Variants in ABI3 observed in about 807,000 individuals in gnomAD.
ABI3 encodes the protein ABI family member 3.
ABI3 carries 24 observed loss-of-function variants against 37.0 expected under a neutral mutation model. The ratio of observed to expected loss-of-function variants is 0.65; its 90% CI spans 0.47 to 0.91. The LOEUF (loss-of-function observed/expected upper bound fraction) is 0.91. ABI3 is among the 40% of genes least tolerant of loss of function. The pLI, the probability that ABI3 is intolerant of heterozygous loss-of-function variation, is 0.00. For missense variants in ABI3, 481 were observed against 485.1 expected (o/e 0.99, Z 0.08); for synonymous variants, 220 against 211.8 (o/e 1.04, Z -0.34).
At chr17:49,218,770 A>ATTTTTTTTTTTTTTTTTT (rs71144583) in intron 3 of ABI3, among the ~76,000 whole-genome samples, 2 of 131,786 alleles carry the variant, frequency 1.5e-5, no homozygotes, top group Non-Finnish European at 1.6e-5. Flanking sequence ...TGCCCGGCTA[A>ATTTTTTTTTTTTTTTTTT]TTTTTTTTTT....
intron 1 of ABI3, among the ~76,000 whole-genome samples, chr17:49,213,543 G>A (rs1200207838): frequency 6.6e-6 from 1 of 152,160 alleles, no homozygotes; most frequent in East Asian, 1.9e-4. Flanking sequence ...AGGCAGACCA[G>A]GGTCACCTGC....
intron 6 of ABI3, 32 bp downstream of exon 6, chr17:49,220,358 TGG>T (rs368970613): frequency 1.3e-6 from 2 of 1,537,382 alleles, no homozygotes; most frequent in African/African-American, 2.7e-5. Flanking sequence ...TTCCCAACCG[TGG>T]GGTCGCTTTT....
rs139539456 is a variant in ABI3, at chr17:49,220,236, C to T, written c.712C>T (p.Pro238Ser). ...GGCAGCACCTCCAGCCCCACCTCTC[C>T]CCAGCTCCTTGGACCCACCTCCTCC... ...GQAAPPAPPL[P>S]SSLDPPPPPA... is the part of the protein sequence containing the mutation. The change falls in exon 6 of 8, where the codon CCC becomes TCC. Residue 238 changes from proline to serine, a missense_variant. Coordinates refer to ENST00000225941, the MANE Select transcript of ABI3 (RefSeq NM_016428.3). The T allele has an allele frequency of 2.0e-4, 330 of 1,611,554 alleles. 5 individuals are homozygous for T. The highest frequency in any genetic ancestry group is 6.2e-4 in the Admixed American group (37 of 59,852).
Position 49,219,927 on chromosome 17 carries a change from C to G in ABI3, c.618C>G (p.Ser206=). 1.3e-6 allele frequency: 2 copies of G among 1,555,620 alleles called. No homozygotes were observed. The highest frequency in any genetic ancestry group is 1.7e-6 in the Non-Finnish European group (2 of 1,156,054). The part of the protein sequence containing the change: ...VVPDGRLSAA[S]SAFSLASAGS... ...CCGACGGCAGACTCTCCGCCGCCTCCTCTGCGTTTTCCCTGGCCTCGGCCG... is the reference window on the plus strand; with the variant it reads ...CCGACGGCAGACTCTCCGCCGCCTCGTCTGCGTTTTCCCTGGCCTCGGCCG... Residue 206 remains serine, a synonymous_variant, in exon 5 of 8, where the codon TCC becomes TCG. Coordinates refer to ENST00000225941, the MANE Select transcript of ABI3 (RefSeq NM_016428.3). This position sits in a 1 kb window ranked among gnomAD's most constrained non-coding sequence, Gnocchi z 4.3.
At chr17:49,220,801 G>A (rs1260556782) in intron 6 of ABI3, among the ~76,000 whole-genome samples, 2 of 146,792 alleles carry the variant, frequency 1.4e-5, no homozygotes, top group African/African-American at 2.5e-5. Flanking sequence ...CCGAGATCGC[G>A]CCATTGCACT....
intron 1 of ABI3, among the ~76,000 whole-genome samples, chr17:49,215,169 A>T (rs544440203): frequency 6.6e-6 from 1 of 152,188 alleles, no homozygotes; most frequent in African/African-American, 2.4e-5. Flanking sequence ...GAAAATAAGT[A>T]CAGCACATGC....
chr17:49,222,859 G>A lies in ABI3; in HGVS notation c.*144G>A. On this transcript the variant is annotated 3_prime_UTR_variant, in exon 8 of 8. Coordinates refer to ENST00000225941, the MANE Select transcript of ABI3 (RefSeq NM_016428.3). ...TGTTCTGTCCTTCCTCCCATCGGAG[G>A]GAGAAGGGGTCCTGGGGAGAGAGAA... The A allele has an allele frequency of 2.1e-6, 2 of 933,574 alleles. No individual in the cohort carries two copies. Among genetic ancestry groups the A allele is most frequent in the Non-Finnish European group, 3.1e-6 (2 of 641,394 alleles). The allele number at this position is 933,574 out of a possible 1,614,324, so 57.8% of individuals were successfully genotyped here. A position where few individuals can be genotyped will look rare whatever the true frequency, so the allele number is the denominator to read the frequency against.
rs2043260098 is a variant in ABI3 at position 49,219,720 on chromosome 17, C to CG, written c.548+98dup. On this transcript the variant is annotated intron_variant, in intron 4 of 7. Transcript: ENST00000225941. The surrounding 1 kb of genome is among the most constrained non-coding windows in gnomAD (Gnocchi z 4.3). The stretch of plus-strand genomic sequence containing the variant: ...CCTCGCCACCCACCCCTGGCGCCCC[C>CG]GGGTGCTCAGGCCGTCATGCTGGAT... The CG allele has an allele frequency of 6.3e-6, 9 of 1,426,298 alleles. No homozygotes were observed. The highest frequency in any genetic ancestry group is 8.6e-6 in the Non-Finnish European group (9 of 1,042,618). The allele number at this position is 1,426,298 out of a possible 1,614,324, so 88.4% of individuals were successfully genotyped here.
chr17:49,216,551 G>T lies in ABI3; in HGVS notation c.138G>T (p.Ala46=). Residue 46 remains alanine, a synonymous_variant, in exon 2 of 8, where the codon GCG becomes GCT. Transcript: ENST00000225941. Reference sequence around the variant, plus strand: ...TTCAGGCCACAGACAAGCGGAAGGCGCTGGAGGAGACCATGGCCTTCACTA... The same window carrying T: ...TTCAGGCCACAGACAAGCGGAAGGCTCTGGAGGAGACCATGGCCTTCACTA... The part of the protein sequence containing the change: ...NYVQATDKRK[A]LEETMAFTTQ... 1 of 1,601,972 alleles carries T rather than the reference G, an allele frequency of 6.2e-7. No individual in the cohort carries two copies. The highest frequency in any genetic ancestry group is 2.2e-5 in the East Asian group (1 of 44,478).
Position 49,221,530 on chromosome 17 carries a change from C to T in ABI3, c.803-561C>T, listed in dbSNP as rs186307942. 1.1e-4 allele frequency among the ~76,000 whole-genome samples: 16 copies of T among 152,238 alleles called. No homozygotes were observed. The East Asian group carries it at 2.9e-3, about 28-fold the overall frequency. The stretch of plus-strand genomic sequence containing the variant: ...GAGGGTCTTTACCACTCTCCGTTAA[C>T]AGATGAAGCCACTGACGCTGAGGTT... On this transcript the variant is annotated intron_variant, in intron 6 of 7. Coordinates refer to ENST00000225941, the MANE Select transcript of ABI3 (RefSeq NM_016428.3).
chr17:49,220,092 G>A (rs2043266178), intron 5 of ABI3, 77 bp from the exon 6 acceptor site: 10 of 1,599,840 alleles, frequency 6.3e-6, no homozygotes, highest in South Asian at 5.6e-5. Flanking sequence ...GCTGGGGTCA[G>A]GATTGGAGGG....
Position 49,219,815 on chromosome 17 carries a change from C to A in ABI3, c.549-43C>A. On this transcript the variant is annotated intron_variant, in intron 4 of 7. Coordinates refer to ENST00000225941, the MANE Select transcript of ABI3 (RefSeq NM_016428.3). This position sits in a 1 kb window ranked among gnomAD's most constrained non-coding sequence, Gnocchi z 4.3. Reference sequence around the variant, plus strand: ...GCACCCGACCCCTGCTGGCCAGAAGCCTTCCTCCTTCCTCCTAATACCCAC... The same window carrying A: ...GCACCCGACCCCTGCTGGCCAGAAGACTTCCTCCTTCCTCCTAATACCCAC... 1 of 1,525,214 alleles carries A rather than the reference C, an allele frequency of 6.6e-7. No individual in the cohort carries two copies. The highest frequency in any genetic ancestry group is 8.8e-7 in the Non-Finnish European group (1 of 1,135,080). The allele number at this position is 1,525,214 out of a possible 1,614,324, so 94.5% of individuals were successfully genotyped here. A position where few individuals can be genotyped will look rare whatever the true frequency, so the allele number is the denominator to read the frequency against.
intron 6 of ABI3, 95 bp from the exon 7 acceptor site, chr17:49,221,996 T>C (rs2043295012): frequency 4.9e-6 from 7 of 1,425,586 alleles, no homozygotes; most frequent in African/African-American, 1.5e-5. Flanking sequence ...CTCGCTGAGA[T>C]GGGTGGATTC....
At chr17:49,217,643 C>A (rs895788034) in intron 2 of ABI3, 96 bp from the exon 3 acceptor site, 68 of 920,360 alleles carry the variant, frequency 7.4e-5, no homozygotes, top group Admixed American at 1.4e-4. Context: ...CTGGCTGCCT[C>A]CCCCCCCCAG....
Position 49,210,709 on chromosome 17 carries a change from A to G in ABI3, c.-16A>G, listed in dbSNP as rs536035842. ...ACGAGCGGGCTCCCTGGGGAGCCAG[A>G]CAGAGGCTGGGGGTGATGGCGGAGC... On this transcript the variant is annotated 5_prime_UTR_variant, in exon 1 of 8. Coordinates refer to ENST00000225941, the MANE Select transcript of ABI3 (RefSeq NM_016428.3). This position sits in a 1 kb window ranked among gnomAD's most constrained non-coding sequence, Gnocchi z 4.2. 7 of 1,551,412 alleles carry G rather than the reference A, an allele frequency of 4.5e-6. No homozygotes were observed. The highest frequency in any genetic ancestry group is 2.7e-5 in the African/African-American group (2 of 73,376).
chr17:49,213,925 A>G (rs904505599), intron 1 of ABI3, among the ~76,000 whole-genome samples: 2 of 152,192 alleles, frequency 1.3e-5, no homozygotes, highest in Admixed American at 6.5e-5. Context: ...TGGTGTTAAT[A>G]TCCTGGGTTG....
intron 6 of ABI3, among the ~76,000 whole-genome samples, chr17:49,221,647 CTA>C (rs2043289924): frequency 1.3e-5 from 2 of 152,176 alleles, no homozygotes; most frequent in African/African-American, 4.8e-5. Context: ...GAGCACTTAA[CTA>C]TGTGCTAGCA....
Position 49,216,585 on chromosome 17 carries a change from C to T in ABI3, c.172C>T (p.Leu58=). The change falls in exon 2 of 8, where the codon CTG becomes TTG. Residue 58 remains leucine, a synonymous_variant. Transcript: ENST00000225941. ...GACCATGGCCTTCACTACCCAGGCA[C>T]TGGCCAGCGTGGCCTACCAGGTGGG... is the stretch of plus-strand genomic sequence containing the variant. ...EETMAFTTQA[L]ASVAYQVGNL... 1 of 1,610,696 alleles carries T rather than the reference C, an allele frequency of 6.2e-7. No individual in the cohort carries two copies. Among genetic ancestry groups the T allele is most frequent in the South Asian group, 1.1e-5 (1 of 90,332 alleles).
At chr17:49,218,011 C>T (rs2043240278) in intron 3 of ABI3, 96 bp downstream of exon 3, 3 of 1,240,746 alleles carry the variant, frequency 2.4e-6, no homozygotes, top group Admixed American at 5.8e-5. Flanking sequence ...GTTTTGTCCC[C>T]ACTTGCCACT....
Sources: gnomAD v4.1 joint callset for allele counts (sites outside exome capture counted in the v4.1 genomes callset) on GRCh38, gnomAD v4.1.1 for gene constraint, Gnocchi (gnomAD v3.1) non-coding constraint, MANE v1.5 for transcripts, NCBI Gene and HGNC (gene_info 2026-07-23, HGNC 2026-07-21) for gene names.